DAB2IP: variants seen among roughly 807,000 people sequenced by gnomAD.
The protein encoded by DAB2IP is DAB2 interacting protein, also known as disabled homolog 2-interacting protein.
DAB2IP carries 28 observed loss-of-function variants against 107.2 expected under a neutral mutation model. The ratio of observed to expected loss-of-function variants is 0.26; its 90% confidence interval spans 0.19 to 0.36. The LOEUF (loss-of-function observed/expected upper bound fraction) is 0.36, where lower values mean the gene tolerates loss of function less well. Among genes scored for constraint, DAB2IP ranks in the 10% least tolerant of loss-of-function variants. DAB2IP has a pLI of 1.00. For missense variants in DAB2IP, 1,400 were observed against 1,644.7 expected (o/e 0.85, Z 2.57); for synonymous variants, 755 against 706.4 (o/e 1.07, Z -1.09).
At position 121,641,999 on chromosome 9, in the gene DAB2IP, C is replaced by T. The variant is rs1318235240; in HGVS notation, c.41-36679C>T. Among the ~76,000 whole-genome samples, 125 of 15,618 alleles carry T rather than the reference C, an allele frequency of 8.0e-3. 11 individuals are homozygous for T. The highest frequency in any genetic ancestry group is 7.8e-3 in the African/African-American group (19 of 2,446). The allele number at this position is 15,618 out of a possible 152,430, so 10.2% of individuals were successfully genotyped here. The stretch of plus-strand genomic sequence containing the variant: ...TTCTTTCTTTCTTTCTTTCCTTTCT[C>T]TCTCTCTCTCTCTCTCTCTCTCTCT... On this transcript the variant is annotated intron_variant, in intron 1 of 16. Coordinates refer to the DAB2IP transcript ENST00000259371.
chr9:121,678,247 C>T (rs914584481), intron 1 of DAB2IP, among the ~76,000 whole-genome samples: 3 of 152,228 alleles, frequency 2.0e-5, no homozygotes, highest in Non-Finnish European at 4.4e-5. Flanking sequence ...TGGGATCATA[C>T]AAAATATGTC....
rs928671385 is a variant in DAB2IP at position 121,698,873 on chromosome 9, T to TG, written c.229-446dup. Among the ~76,000 whole-genome samples the TG allele has an allele frequency of 1.3e-5, 2 of 150,616 alleles. No homozygotes were observed. Among genetic ancestry groups the TG allele is most frequent in the Admixed American group, 1.3e-4 (2 of 15,220 alleles). On this transcript the variant is annotated intron_variant, in intron 2 of 15. Coordinates refer to ENST00000408936, the Ensembl canonical transcript of DAB2IP. The surrounding 1 kb of genome is among the most constrained non-coding windows in gnomAD (Gnocchi z 4.1). ...GGGCGTGGATTCCTCCAGGTGGGTG[T>TG]GGGGGGTGTGACCTCGCACGGGGAG...
chr9:121,692,190 G>A (rs1829195524), intron 2 of DAB2IP, among the ~76,000 whole-genome samples: 1 of 152,190 alleles, frequency 6.6e-6, no homozygotes, highest in Non-Finnish European at 1.5e-5. Flanking sequence ...GCTGGTGCCT[G>A]ATGATAGCTG....
chr9:121,661,670 AAAC>A (rs1044897675), intron 1 of DAB2IP, among the ~76,000 whole-genome samples: 2 of 152,068 alleles, frequency 1.3e-5, no homozygotes, highest in African/African-American at 4.8e-5. Context: ...CATCTACATG[AAAC>A]AACAACAACA....
At chr9:121,676,416 A>G (rs2119129970) in intron 1 of DAB2IP, among the ~76,000 whole-genome samples, 1 of 152,290 alleles carries the variant, frequency 6.6e-6, no homozygotes, top group Middle Eastern at 3.4e-3. Flanking sequence ...GAGTATCTGC[A>G]TGAATATAAA....
chr9:121,706,885 C>T (rs1395927219), intron 3 of DAB2IP, among the ~76,000 whole-genome samples: 2 of 152,150 alleles, frequency 1.3e-5, no homozygotes, highest in Non-Finnish European at 2.9e-5. Context: ...GCCACAGGGG[C>T]GATGGGGTGA....
At chr9:121,751,861 G>A in intron 3 of DAB2IP, 5 of 930,242 alleles carry the variant, frequency 5.4e-6, no homozygotes, top group South Asian at 5.0e-5. Flanking sequence ...AAGCTCCTCT[G>A]TAGCAGCGGA....
At chr9:121,646,369 A>T (rs912359291) in intron 1 of DAB2IP, among the ~76,000 whole-genome samples, 1 of 151,900 alleles carries the variant, frequency 6.6e-6, no homozygotes, top group Non-Finnish European at 1.5e-5. Flanking sequence ...CCTAGTGAAG[A>T]TCCTGCTCCT....
chr9:121,623,525 C>T lies in DAB2IP; in HGVS notation c.41-55153C>T, dbSNP rs118188775. Among the ~76,000 whole-genome samples, 128 of 152,114 alleles carry T rather than the reference C, an allele frequency of 8.4e-4. 3 individuals carry two copies. The East Asian group carries it at 0.02, about 24-fold the overall frequency. ...GGGACTACAAGCATGCACCACCACA[C>T]CTGACTAATTTTGGTATTTTTTGTA... On this transcript the variant is annotated intron_variant, in intron 1 of 16. Transcript: ENST00000259371.
At chr9:121,759,582 T>A (rs1833738897) in intron 5 of DAB2IP, among the ~76,000 whole-genome samples, 1 of 152,248 alleles carries the variant, frequency 6.6e-6, no homozygotes, top group Admixed American at 6.5e-5. Flanking sequence ...GGCGTTGTGC[T>A]GGCCTCTCTC....
At chr9:121,769,805 A>G (rs140527807) in intron 10 of DAB2IP, among the ~76,000 whole-genome samples, 84 of 152,358 alleles carry the variant, frequency 5.5e-4, no homozygotes, top group African/African-American at 1.9e-3. Flanking sequence ...TATCTGCACA[A>G]CCAGGCAGGA....
chr9:121,720,147 C>T (rs1047414036), intron 3 of DAB2IP, among the ~76,000 whole-genome samples: 2 of 152,206 alleles, frequency 1.3e-5, no homozygotes, highest in African/African-American at 4.8e-5. Context: ...AGGTGGGGCT[C>T]TTGTAAGACC....
chr9:121,749,682 CCTT>C (rs981394814), intron 3 of DAB2IP, among the ~76,000 whole-genome samples: 5 of 152,166 alleles, frequency 3.3e-5, no homozygotes, highest in Admixed American at 6.5e-5. Flanking sequence ...GCTAGGCACA[CCTT>C]CTTCTCCTTT....
chr9:121,759,774 C>T (rs1200441207), intron 5 of DAB2IP, 111 bp from the exon 6 acceptor site: 36 of 1,007,092 alleles, frequency 3.6e-5, no homozygotes, highest in Non-Finnish European at 5.2e-5. Context: ...CCGCTGCCGC[C>T]TCCACCTTCA....
Position 121,702,460 on chromosome 9 carries a change from AG to A in DAB2IP, c.362+3006del, listed in dbSNP as rs1252656650. 6.6e-6 allele frequency among the ~76,000 whole-genome samples: 1 copy of A among 152,144 alleles called. No homozygotes were observed. The highest frequency in any genetic ancestry group is 1.9e-4 in the East Asian group (1 of 5,188). ...GGACTTATTCTTCTGAAACGGCCTC[AG>A]GGGAGGTTGCCAGCTGGTCTCCACA... On this transcript the variant is annotated intron_variant, in intron 3 of 15. Coordinates refer to ENST00000408936, the Ensembl canonical transcript of DAB2IP. This position sits in a 1 kb window ranked among gnomAD's most constrained non-coding sequence, Gnocchi z 4.5.
At chr9:121,670,409 AG>A (rs2119114932) in intron 1 of DAB2IP, among the ~76,000 whole-genome samples, 1 of 152,368 alleles carries the variant, frequency 6.6e-6, no homozygotes, top group South Asian at 2.1e-4. Context: ...ACCAAAATCA[AG>A]GTGTCAGCAG....
intron 3 of DAB2IP, among the ~76,000 whole-genome samples, chr9:121,734,637 A>G (rs998275670): frequency 6.6e-6 from 1 of 152,216 alleles, no homozygotes; most frequent in African/African-American, 2.4e-5. Context: ...TTATAACAAG[A>G]TATTATAACA....
intron 3 of DAB2IP, among the ~76,000 whole-genome samples, chr9:121,743,864 C>T (rs941596365): frequency 2.1e-5 from 3 of 143,050 alleles, no homozygotes; most frequent in African/African-American, 5.9e-5. Flanking sequence ...GGAGGGACTC[C>T]GGAGCACCCT....
intron 13 of DAB2IP, among the ~76,000 whole-genome samples, 157 bp downstream of exon 13, chr9:121,774,569 G>A (rs1216706822): frequency 6.6e-6 from 1 of 152,204 alleles, no homozygotes; most frequent in Non-Finnish European, 1.5e-5. Flanking sequence ...ATAGCAGTCA[G>A]TGGGGTCTGG....
Sources: gnomAD v4.1 joint callset for allele counts (sites outside exome capture counted in the v4.1 genomes callset) on GRCh38, gnomAD v4.1.1 for gene constraint, Gnocchi (gnomAD v3.1) non-coding constraint, MANE v1.5 for transcripts, NCBI Gene and HGNC (gene_info 2026-07-23, HGNC 2026-07-21) for gene names.